Variants in LMX1A observed in about 807,000 individuals in gnomAD.
LMX1A encodes the protein LIM homeobox transcription factor 1-alpha.
LMX1A carries 15 observed loss-of-function variants against 49.1 expected under a neutral mutation model. The ratio of observed to expected loss-of-function variants is 0.31; its 90% confidence interval spans 0.20 to 0.47. The LOEUF (loss-of-function observed/expected upper bound fraction) is 0.47, where lower values mean the gene tolerates loss of function less well. Among genes scored for constraint, LMX1A ranks in the 20% least tolerant of loss-of-function variants. LMX1A has a pLI of 1.00. For missense variants in LMX1A, 372 were observed against 475.8 expected, an observed-to-expected ratio of 0.78 and a Z score of 2.03; for synonymous variants, 167 against 185.7, an observed-to-expected ratio of 0.90 and a Z score of 0.82.
chr1:165,294,294 G>A (rs935028466), intron 3 of LMX1A, among the ~76,000 whole-genome samples: 1 of 152,262 alleles, frequency 6.6e-6, no homozygotes, highest in African/African-American at 2.4e-5. Context: ...AAGTGGCTGT[G>A]ACTCCAGTGG....
intron 3 of LMX1A, among the ~76,000 whole-genome samples, chr1:165,261,514 T>C (rs1183200618): frequency 6.6e-6 from 1 of 152,200 alleles, no homozygotes; most frequent in African/African-American, 2.4e-5. Context: ...AATTACCATG[T>C]GATCTAGCAA....
chr1:165,355,793 C>T lies in LMX1A; in HGVS notation c.-22-212G>A. The stretch of plus-strand genomic sequence containing the variant: ...GATCTGATTTCACTTGAAGTCAACA[C>T]GTTATGTACTTAGGCCTCCGCCCCC... On this transcript the variant is annotated intron_variant, in intron 1 of 8. Transcript: ENST00000342310. The surrounding 1 kb of genome is among the most constrained non-coding windows in gnomAD (Gnocchi z 4.7). 1 of 565,550 alleles carries T rather than the reference C, an allele frequency of 1.8e-6. No homozygotes were observed. The highest frequency in any genetic ancestry group is 2.2e-5 in the South Asian group (1 of 44,840). The allele number at this position is 565,550 out of a possible 1,614,324, so 35.0% of individuals were successfully genotyped here. A position where few individuals can be genotyped will look rare whatever the true frequency, so the allele number is the denominator to read the frequency against.
chr1:165,301,848 G>A (rs1359759672), intron 3 of LMX1A, among the ~76,000 whole-genome samples: 3 of 152,002 alleles, frequency 2.0e-5, no homozygotes, highest in Non-Finnish European at 4.4e-5. Flanking sequence ...CTTTTTCAAG[G>A]TGAAGTATTT....
intron 4 of LMX1A, among the ~76,000 whole-genome samples, chr1:165,236,896 G>A (rs966692743): frequency 1.3e-5 from 2 of 150,760 alleles, no homozygotes; most frequent in African/African-American, 4.9e-5. Flanking sequence ...GTCTTATAGG[G>A]TAAATACTTT....
At chr1:165,320,270 TA>T (rs1655346308) in intron 3 of LMX1A, among the ~76,000 whole-genome samples, 1 of 152,144 alleles carries the variant, frequency 6.6e-6, no homozygotes, top group Non-Finnish European at 1.5e-5. Context: ...AAGTGCTGAA[TA>T]CAGTGAGGAT....
intron 3 of LMX1A, among the ~76,000 whole-genome samples, chr1:165,304,047 T>G (rs1654856288): frequency 6.6e-6 from 1 of 152,076 alleles, no homozygotes. Flanking sequence ...TACACATTGG[T>G]TTAATCCTCA....
At chr1:165,231,437 A>G (rs1225311629) in intron 4 of LMX1A, among the ~76,000 whole-genome samples, 1 of 152,018 alleles carries the variant, frequency 6.6e-6, no homozygotes, top group African/African-American at 2.4e-5. Context: ...TGAGTAGCTG[A>G]GACTAATTAG....
intron 3 of LMX1A, among the ~76,000 whole-genome samples, chr1:165,344,339 C>G (rs1287504229): frequency 6.6e-6 from 1 of 152,166 alleles, no homozygotes; most frequent in Non-Finnish European, 1.5e-5. Context: ...AACACATGCA[C>G]AGTAGGAATT....
intron 3 of LMX1A, among the ~76,000 whole-genome samples, chr1:165,302,481 A>G (rs1453427299): frequency 1.3e-5 from 2 of 152,068 alleles, no homozygotes; most frequent in Non-Finnish European, 2.9e-5. Flanking sequence ...AAAGAAAGAA[A>G]AGAAAAGAAA....
At chr1:165,346,724 G>A (rs1415038829) in intron 3 of LMX1A, among the ~76,000 whole-genome samples, 1 of 152,158 alleles carries the variant, frequency 6.6e-6, no homozygotes, top group Non-Finnish European at 1.5e-5. Context: ...GCTGTCTAAT[G>A]CCAAAAGAAA....
intron 3 of LMX1A, among the ~76,000 whole-genome samples, chr1:165,322,505 C>A (rs144122583): frequency 6.6e-6 from 1 of 152,102 alleles, no homozygotes; most frequent in Non-Finnish European, 1.5e-5. Context: ...TAAAAAGGAA[C>A]GTAGTACTGA....
Position 165,355,640 on chromosome 1 carries a change from C to T in LMX1A, c.-22-59G>A. On this transcript the variant is annotated intron_variant, in intron 1 of 8. Coordinates refer to ENST00000342310, the MANE Select transcript of LMX1A (RefSeq NM_177398.4). This position sits in a 1 kb window ranked among gnomAD's most constrained non-coding sequence, Gnocchi z 4.7. ...CGTGCCCGCTGGGACTCGGCGCCAG[C>T]AGCCACCGCACTCCTGGGAAAGAAC... 1.5e-6 allele frequency: 2 copies of T among 1,299,172 alleles called. No homozygotes were observed. Among genetic ancestry groups the T allele is most frequent in the Non-Finnish European group, 2.2e-6 (2 of 912,236 alleles). 80.5% of individuals were successfully genotyped at this position (1,299,172 alleles called of 1,614,324 possible).
intron 3 of LMX1A, among the ~76,000 whole-genome samples, chr1:165,335,753 T>C (rs1017350921): frequency 6.6e-6 from 1 of 152,238 alleles, no homozygotes; most frequent in Admixed American, 6.5e-5. Flanking sequence ...AGGGCAAGTA[T>C]ATTTTATCTT....
Position 165,207,887 on chromosome 1 carries a change from C to T in LMX1A, c.817+176G>A, listed in dbSNP as rs922972358. Among the ~76,000 whole-genome samples the T allele has an allele frequency of 5.9e-5, 9 of 152,332 alleles. No individual in the cohort carries two copies. In the East Asian group the frequency reaches 9.7e-4, roughly 16 times the overall value. On this transcript the variant is annotated intron_variant, in intron 7 of 8. Coordinates refer to ENST00000342310, the MANE Select transcript of LMX1A (RefSeq NM_177398.4). ...AGCCTGCAGCTCAGGAGCCCTCAAC[C>T]CTCTCACAAGTTCCTCGTGGCTCAG...
intron 4 of LMX1A, among the ~76,000 whole-genome samples, chr1:165,214,544 A>T (rs2102605025): frequency 6.6e-6 from 1 of 152,348 alleles, no homozygotes; most frequent in South Asian, 2.1e-4. Flanking sequence ...AAATGAGTTT[A>T]TACCAGTACG....
At chr1:165,273,507 A>C (rs1053845894) in intron 3 of LMX1A, among the ~76,000 whole-genome samples, 2 of 152,204 alleles carry the variant, frequency 1.3e-5, no homozygotes, top group Non-Finnish European at 2.9e-5. Flanking sequence ...GAGCTTGTCA[A>C]TTGAGACCTC....
At chr1:165,344,048 A>G (rs1656162160) in intron 3 of LMX1A, among the ~76,000 whole-genome samples, 1 of 152,252 alleles carries the variant, frequency 6.6e-6, no homozygotes, top group Non-Finnish European at 1.5e-5. Flanking sequence ...AGATGGGTTC[A>G]GAGCATGAGA....
intron 3 of LMX1A, among the ~76,000 whole-genome samples, chr1:165,320,612 A>G (rs1295492216): frequency 2.6e-5 from 4 of 152,216 alleles, no homozygotes; most frequent in African/African-American, 4.8e-5. Flanking sequence ...AGAGACGTTC[A>G]TACATTCAGC....
At chr1:165,244,794 C>A (rs1652782353) in intron 4 of LMX1A, among the ~76,000 whole-genome samples, 1 of 152,044 alleles carries the variant, frequency 6.6e-6, no homozygotes, top group Non-Finnish European at 1.5e-5. Flanking sequence ...CTAGACACTT[C>A]TCTAGAAGTT....
Sources: allele counts gnomAD v4.1 joint callset (sites outside exome capture counted in the v4.1 genomes callset), GRCh38; gene constraint gnomAD v4.1.1; non-coding constraint Gnocchi (gnomAD v3.1); transcripts MANE v1.5; gene names NCBI Gene and HGNC (gene_info 2026-07-23, HGNC 2026-07-21).